Variants in SUCLG2 observed in about 807,000 individuals in gnomAD.
The protein encoded by SUCLG2 is succinate-CoA ligase GDP-forming subunit beta.
A neutral mutation model predicts 47.9 loss-of-function variants in SUCLG2; 42 were observed. That is an observed-to-expected ratio of 0.88 (90% confidence interval 0.69 to 1.14). SUCLG2 has a LOEUF of 1.14. SUCLG2 is among the 50% of genes most tolerant of loss of function. The pLI is 0.00. For missense variants in SUCLG2, 571 were observed against 525.9 expected (o/e 1.09, Z -0.84); for synonymous variants, 195 against 197.3 (o/e 0.99, Z 0.10).
intron 1 of SUCLG2, among the ~76,000 whole-genome samples, chr3:67,640,254 C>G (rs556915024): frequency 1.3e-5 from 2 of 152,158 alleles, no homozygotes; most frequent in Non-Finnish European, 2.9e-5. Context: ...GGATGTGTCC[C>G]GTGCTCTGGG....
Position 67,498,412 on chromosome 3 carries a change from T to C in SUCLG2, c.758-117A>G, listed in dbSNP as rs955734580. 1.1e-5 allele frequency: 13 copies of C among 1,130,824 alleles called. No individual in the cohort carries two copies. The Admixed American group carries it at 1.6e-4, about 13-fold the overall frequency. The allele number at this position is 1,130,824 out of a possible 1,614,324, so 70.0% of individuals were successfully genotyped here. A position where few individuals can be genotyped will look rare whatever the true frequency, so the allele number is the denominator to read the frequency against. ...TTAAGTACTGTCATTTTTTTTCACA[T>C]GTTACAGGCAGGAGAGGCTGCTTTG... On this transcript the variant is annotated intron_variant, in intron 7 of 10. Transcript: ENST00000307227.
At position 67,509,626 on chromosome 3, in the gene SUCLG2, G is replaced by A. The variant is rs79118677; in HGVS notation, c.661-723C>T. Among the ~76,000 whole-genome samples, 4 of 152,192 alleles carry A rather than the reference G, an allele frequency of 2.6e-5. No homozygotes were observed. In the East Asian group the frequency reaches 7.7e-4, roughly 29 times the overall value. On this transcript the variant is annotated intron_variant, in intron 6 of 10. Transcript: ENST00000307227. ...GCAAGCTGGTATCTTGTGAGCTGGCGCTTGAAATAAGAGCATGAATGAGCC... is the reference window on the plus strand; with the variant it reads ...GCAAGCTGGTATCTTGTGAGCTGGCACTTGAAATAAGAGCATGAATGAGCC...
chr3:67,538,263 G>A (rs4856875), intron 2 of SUCLG2, among the ~76,000 whole-genome samples: 11,843 of 152,142 alleles, frequency 0.078, 546 homozygotes, highest in East Asian at 0.17. Flanking sequence ...GTAAGGAAGG[G>A]GTCCAGTTTC....
intron 9 of SUCLG2, among the ~76,000 whole-genome samples, chr3:67,415,427 T>C (rs1160741834): frequency 2.6e-5 from 4 of 152,198 alleles, no homozygotes; most frequent in Non-Finnish European, 2.9e-5. Flanking sequence ...ATTTTATCTA[T>C]CTTAACTTAC....
At chr3:67,491,387 G>A (rs551320945) in intron 9 of SUCLG2, among the ~76,000 whole-genome samples, 4 of 121,934 alleles carry the variant, frequency 3.3e-5, no homozygotes, top group East Asian at 2.7e-4. Context: ...TTTTCCAGAC[G>A]AAGTCTCGCT....
chr3:67,427,077 A>G (rs1283634642), intron 9 of SUCLG2, among the ~76,000 whole-genome samples: 1 of 152,250 alleles, frequency 6.6e-6, no homozygotes, highest in Non-Finnish European at 1.5e-5. Context: ...AAGGTTTTAT[A>G]TATTACCTGA....
chr3:67,368,996 T>C (rs1159102131), intron 10 of SUCLG2, among the ~76,000 whole-genome samples: 2 of 152,124 alleles, frequency 1.3e-5, no homozygotes, highest in Admixed American at 6.6e-5. Context: ...CTTGACACTA[T>C]TGACATTTTG....
intron 10 of SUCLG2, among the ~76,000 whole-genome samples, chr3:67,386,166 G>T (rs1156914718): frequency 6.6e-6 from 1 of 152,042 alleles, no homozygotes; most frequent in Non-Finnish European, 1.5e-5. Flanking sequence ...TCGGCTCACT[G>T]CAAGCTCCGC....
At position 67,429,838 on chromosome 3, in the gene SUCLG2, C is replaced by G. The variant is rs1334225737; in HGVS notation, c.1063-28987G>C. Among the ~76,000 whole-genome samples the G allele has an allele frequency of 2.0e-5, 3 of 152,020 alleles. No homozygotes were observed. In the East Asian group the frequency reaches 5.8e-4, roughly 29 times the overall value. ...AAACAGACTTTAAACCAACAAAGAT[C>G]AAAAGAGACAAAGAAGGCCATTATA... On this transcript the variant is annotated intron_variant, in intron 9 of 10. Coordinates refer to ENST00000307227, the MANE Select transcript of SUCLG2 (RefSeq NM_003848.4).
chr3:67,566,040 C>T (rs957488543), intron 2 of SUCLG2, among the ~76,000 whole-genome samples: 4 of 152,162 alleles, frequency 2.6e-5, no homozygotes, highest in South Asian at 2.1e-4. Context: ...CTCAATCAGG[C>T]AAGGAGAGTA....
chr3:67,432,704 T>C (rs775438895), intron 9 of SUCLG2, among the ~76,000 whole-genome samples: 18 of 152,198 alleles, frequency 1.2e-4, no homozygotes, highest in Non-Finnish European at 2.4e-4. Context: ...CTCCAGTTGT[T>C]ACCATATGCC....
intron 9 of SUCLG2, among the ~76,000 whole-genome samples, chr3:67,464,692 T>C (rs1704427425): frequency 6.6e-6 from 1 of 152,264 alleles, no homozygotes; most frequent in Non-Finnish European, 1.5e-5. Context: ...TAATCACATT[T>C]AGGCAAATTC....
intron 2 of SUCLG2, among the ~76,000 whole-genome samples, chr3:67,545,269 G>C (rs951459434): frequency 5.3e-5 from 8 of 152,092 alleles, no homozygotes; most frequent in African/African-American, 1.9e-4. Flanking sequence ...GCCATAAAAA[G>C]GAATCCAGGA....
chr3:67,586,734 C>A (rs1473255424), intron 2 of SUCLG2, among the ~76,000 whole-genome samples: 1 of 152,186 alleles, frequency 6.6e-6, no homozygotes, highest in Non-Finnish European at 1.5e-5. Flanking sequence ...GGAACACAGA[C>A]TGGGACAGGT....
chr3:67,545,216 A>T (rs2107182821), intron 2 of SUCLG2, among the ~76,000 whole-genome samples: 1 of 152,318 alleles, frequency 6.6e-6, no homozygotes, highest in East Asian at 1.9e-4. Flanking sequence ...TATAATTCCA[A>T]ATGCTAGAGA....
chr3:67,464,147 C>T (rs372117342), intron 9 of SUCLG2, among the ~76,000 whole-genome samples: 49 of 152,284 alleles, frequency 3.2e-4, no homozygotes, highest in African/African-American at 8.4e-4. Context: ...CTGAAAGTGA[C>T]GGTTTTCTAA....
chr3:67,408,624 TC>T, intron 9 of SUCLG2: 1 of 1,022,944 alleles, frequency 9.8e-7, no homozygotes, highest in Non-Finnish European at 1.2e-6. Flanking sequence ...CTAATTAGAC[TC>T]CAATCTGTCC....
chr3:67,504,695 G>A (rs945739116), intron 7 of SUCLG2, among the ~76,000 whole-genome samples: 3 of 152,068 alleles, frequency 2.0e-5, no homozygotes, highest in Non-Finnish European at 4.4e-5. Context: ...TGTTCCCTGG[G>A]GGACAAAATG....
rs1224803254 is a variant in SUCLG2 at position 67,411,663 on chromosome 3, T to C, written c.1063-10812A>G. Among the ~76,000 whole-genome samples, 4 of 152,168 alleles carry C rather than the reference T, an allele frequency of 2.6e-5. No individual in the cohort carries two copies. The East Asian group carries it at 5.8e-4, about 22-fold the overall frequency. On this transcript the variant is annotated intron_variant, in intron 9 of 10. Coordinates refer to ENST00000307227, the MANE Select transcript of SUCLG2 (RefSeq NM_003848.4). ...ACTAGTATATTTGTGAAAGGCAATTTACTGCCAAATTTCTTTACAAAAACA... is the reference window on the plus strand; with the variant it reads ...ACTAGTATATTTGTGAAAGGCAATTCACTGCCAAATTTCTTTACAAAAACA...
Sources: allele counts gnomAD v4.1 joint callset (sites outside exome capture counted in the v4.1 genomes callset), GRCh38; gene constraint gnomAD v4.1.1; transcripts MANE v1.5; gene names NCBI Gene and HGNC (gene_info 2026-07-23, HGNC 2026-07-21).